The following ZBTB7C variants were observed in gnomAD, a reference collection of about 807,000 sequenced individuals.
ZBTB7C encodes the protein zinc finger and BTB domain containing 7C.
A neutral mutation model predicts 25.7 loss-of-function variants in ZBTB7C; 8 were observed. The ratio of observed to expected loss-of-function variants is 0.31; its 90% CI spans 0.18 to 0.56. The LOEUF is 0.56. ZBTB7C is among the 20% of genes least tolerant of loss of function. ZBTB7C has a pLI of 0.91. For synonymous variants in ZBTB7C, 394 were observed against 369.0 expected (o/e 1.07, Z -0.78); for missense variants, 824 against 855.2 (o/e 0.96, Z 0.46).
chr18:48,084,724 C>T (rs923380204), intron 3 of ZBTB7C, among the ~76,000 whole-genome samples: 1 of 152,206 alleles, frequency 6.6e-6, no homozygotes, highest in Admixed American at 6.5e-5. Flanking sequence ...ACTTCTTGCC[C>T]TCCTCAGGGG....
At chr18:48,344,253 G>C (rs770797839) in intron 1 of ZBTB7C, among the ~76,000 whole-genome samples, 26 of 152,206 alleles carry the variant, frequency 1.7e-4, no homozygotes, top group Non-Finnish European at 3.4e-4. Context: ...CAAAGTGATG[G>C]GATTATAGGC....
intron 2 of ZBTB7C, among the ~76,000 whole-genome samples, chr18:48,273,834 A>G (rs1220001763): frequency 6.6e-6 from 1 of 152,186 alleles, no homozygotes; most frequent in Admixed American, 6.5e-5. Flanking sequence ...GTGGTTTTCT[A>G]GAGTAGTGAA....
intron 4 of ZBTB7C, among the ~76,000 whole-genome samples, chr18:48,034,840 G>A (rs1356232390): frequency 6.6e-6 from 1 of 152,098 alleles, no homozygotes. Flanking sequence ...GCTCATCGTC[G>A]GGAAAGTCAT....
At chr18:48,345,889 C>G (rs1198319765) in intron 1 of ZBTB7C, among the ~76,000 whole-genome samples, 1 of 152,196 alleles carries the variant, frequency 6.6e-6, no homozygotes, top group Non-Finnish European at 1.5e-5. Context: ...ATTACATGAT[C>G]TATAAAAATG....
chr18:48,342,015 A>T (rs1001569995), intron 1 of ZBTB7C, among the ~76,000 whole-genome samples: 1 of 152,152 alleles, frequency 6.6e-6, no homozygotes, highest in African/African-American at 2.4e-5. Context: ...TGCCCTGGGC[A>T]CCCAGGAAAG....
chr18:48,178,383 C>T (rs769945405), intron 3 of ZBTB7C, among the ~76,000 whole-genome samples: 12 of 152,224 alleles, frequency 7.9e-5, no homozygotes, highest in Non-Finnish European at 1.8e-4. Context: ...AGGGCTACCA[C>T]GTCGGGCCTC....
chr18:48,096,914 A>G, intron 3 of ZBTB7C, among the ~76,000 whole-genome samples: 1 of 152,142 alleles, frequency 6.6e-6, no homozygotes, highest in Non-Finnish European at 1.5e-5. Context: ...GAGTTTTTTC[A>G]ATTTATCTGT....
At chr18:48,199,393 G>A (rs779868106) in intron 2 of ZBTB7C, among the ~76,000 whole-genome samples, 32 of 152,022 alleles carry the variant, frequency 2.1e-4, no homozygotes, top group Non-Finnish European at 2.6e-4. Flanking sequence ...GAGAAAGTCC[G>A]TCATTTCTCT....
At chr18:48,136,222 T>A (rs1048264000) in intron 3 of ZBTB7C, among the ~76,000 whole-genome samples, 4 of 151,760 alleles carry the variant, frequency 2.6e-5, no homozygotes, top group African/African-American at 7.3e-5. Flanking sequence ...CCCGCGGGAG[T>A]GGGGACGCAC....
chr18:48,290,613 C>T (rs2045195687), intron 2 of ZBTB7C, among the ~76,000 whole-genome samples: 1 of 152,188 alleles, frequency 6.6e-6, no homozygotes, highest in Non-Finnish European at 1.5e-5. Context: ...TGCTTCCTTC[C>T]CTGGGCAGAC....
intron 2 of ZBTB7C, among the ~76,000 whole-genome samples, chr18:48,223,790 G>A (rs2043018703): frequency 6.6e-6 from 1 of 152,230 alleles, no homozygotes. Context: ...GCAGGTCTCA[G>A]GTAAAGGATC....
chr18:48,383,131 C>T (rs1269935009), intron 1 of ZBTB7C, among the ~76,000 whole-genome samples: 2 of 152,086 alleles, frequency 1.3e-5, no homozygotes, highest in African/African-American at 4.8e-5. Flanking sequence ...ATTGTCAGCC[C>T]GACCCTCAAA....
chr18:48,310,533 G>T (rs1367978032), intron 2 of ZBTB7C, among the ~76,000 whole-genome samples: 1 of 152,118 alleles, frequency 6.6e-6, no homozygotes, highest in African/African-American at 2.4e-5. Context: ...GTGAGAGAAA[G>T]ACTTTTTTCT....
chr18:48,187,820 C>CAAAAAAAAA (rs919402026), intron 2 of ZBTB7C, among the ~76,000 whole-genome samples: 3 of 73,358 alleles, frequency 4.1e-5, no homozygotes, highest in African/African-American at 5.1e-5. Flanking sequence ...GACCCCGTCT[C>CAAAAAAAAA]AAAAAAAAAA....
At chr18:48,301,164 T>C (rs543670732) in intron 2 of ZBTB7C, among the ~76,000 whole-genome samples, 11 of 152,242 alleles carry the variant, frequency 7.2e-5, no homozygotes, top group African/African-American at 2.6e-4. Flanking sequence ...CCACAGGCAC[T>C]CCAGAAGGGC....
At chr18:48,200,775 C>T (rs917448522) in intron 2 of ZBTB7C, among the ~76,000 whole-genome samples, 11 of 152,340 alleles carry the variant, frequency 7.2e-5, no homozygotes, top group African/African-American at 2.2e-4. Flanking sequence ...AGCATCTAAA[C>T]TCAGGCCCTG....
chr18:48,067,105 AAAAAC>A (rs146239933), intron 3 of ZBTB7C, among the ~76,000 whole-genome samples: 2 of 151,928 alleles, frequency 1.3e-5, no homozygotes, highest in East Asian at 1.9e-4. Context: ...CCATCTCCAA[AAAAAC>A]AAAACAAAAC....
chr18:48,386,578 T>G (rs2047754274), intron 1 of ZBTB7C, among the ~76,000 whole-genome samples: 1 of 152,170 alleles, frequency 6.6e-6, no homozygotes, highest in African/African-American at 2.4e-5. Flanking sequence ...GCCCATAGAA[T>G]AGCAGGAGAT....
intron 3 of ZBTB7C, among the ~76,000 whole-genome samples, chr18:48,087,303 T>C (rs1168694335): frequency 6.6e-6 from 1 of 152,222 alleles, no homozygotes; most frequent in Non-Finnish European, 1.5e-5. Flanking sequence ...CTGGAGTTTC[T>C]ATGAGAATGT....
Sources: allele counts gnomAD v4.1 joint callset (sites outside exome capture counted in the v4.1 genomes callset), GRCh38; gene constraint gnomAD v4.1.1; transcripts MANE v1.5; gene names NCBI Gene and HGNC (gene_info 2026-07-23, HGNC 2026-07-21).